The following NLGN4Y variants were observed in gnomAD, a reference collection of about 807,000 sequenced individuals.
NLGN4Y encodes the protein neuroligin-4, Y-linked.
A neutral mutation model predicts 8.4 loss-of-function variants in NLGN4Y; 4 were observed. The observed-to-expected ratio is 0.48, with a 90% confidence interval of 0.23 to 1.09. The LOEUF is 1.09. NLGN4Y is among the 50% of genes least tolerant of loss of function. The pLI, the probability that NLGN4Y is intolerant of heterozygous loss-of-function variation, is 0.19. For missense variants in NLGN4Y, 90 were observed against 192.3 expected (o/e 0.47, Z 3.15); for synonymous variants, 35 against 75.6 (o/e 0.46, Z 2.78).
intron 2 of NLGN4Y, among the ~76,000 whole-genome samples, chrY:14,699,849 G>A: frequency 3.1e-5 from 1 of 32,303 alleles, no homozygotes; most frequent in Non-Finnish European, 7.5e-5. Context: ...TTACATGTTG[G>A]CCCAAAGTGA....
intron 1 of NLGN4Y, among the ~76,000 whole-genome samples, chrY:14,565,372 A>C (rs1006153695): frequency 3.2e-5 from 1 of 31,248 alleles, no homozygotes; most frequent in East Asian, 8.8e-4. Flanking sequence ...TTCGTGAAGC[A>C]TACACAAATA....
At chrY:14,592,597 T>A (rs1351172264) in intron 1 of NLGN4Y, among the ~76,000 whole-genome samples, 1 of 32,261 alleles carries the variant, frequency 3.1e-5, no homozygotes, top group East Asian at 8.4e-4. Flanking sequence ...TCCTGCCATG[T>A]TAACTGCAAT....
chrY:14,733,422 T>C, intron 4 of NLGN4Y: 1 of 241,012 alleles, frequency 4.1e-6, no homozygotes, highest in Middle Eastern at 1.1e-3. Flanking sequence ...AAATTCATAA[T>C]TAATAAATGT....
chrY:14,763,249 A>G, intron 4 of NLGN4Y, among the ~76,000 whole-genome samples: 4 of 33,880 alleles, frequency 1.2e-4, no homozygotes, highest in South Asian at 6.5e-4. Flanking sequence ...TTGAAACTGG[A>G]TGGTTATTAA....
At chrY:14,532,257 G>A (rs2080117481) in intron 1 of NLGN4Y, among the ~76,000 whole-genome samples, 1 of 32,375 alleles carries the variant, frequency 3.1e-5, no homozygotes, top group African/African-American at 1.2e-4. Flanking sequence ...AGTGTGTTCG[G>A]GGTGGGAGGT....
chrY:14,812,944 C>CCT, intron 4 of NLGN4Y, among the ~76,000 whole-genome samples: 1 of 28,273 alleles, frequency 3.5e-5, no homozygotes, highest in South Asian at 8.6e-4. Context: ...CCTTCCTTCC[C>CCT]TCCTTCCTTC....
chrY:14,726,495 A>G (rs2150557132), intron 4 of NLGN4Y, among the ~76,000 whole-genome samples: 1 of 33,377 alleles, frequency 3.0e-5, no homozygotes, highest in East Asian at 7.9e-4. Context: ...TATTGGGGAT[A>G]ATAGTTCTGG....
At chrY:14,596,811 C>T (rs2150495288) in intron 1 of NLGN4Y, among the ~76,000 whole-genome samples, 1 of 33,362 alleles carries the variant, frequency 3.0e-5, no homozygotes, top group Non-Finnish European at 7.4e-5. Flanking sequence ...CGAAAGGGGT[C>T]CAATGGTACT....
At chrY:14,757,294 C>A in intron 4 of NLGN4Y, among the ~76,000 whole-genome samples, 1 of 32,507 alleles carries the variant, frequency 3.1e-5, no homozygotes, top group Non-Finnish European at 7.5e-5. Context: ...TGTGTCCAAT[C>A]CTTAAATTTG....
At chrY:14,533,322 C>T (rs527584344) in intron 1 of NLGN4Y, among the ~76,000 whole-genome samples, 2,801 of 32,805 alleles carry the variant, frequency 0.085, no homozygotes, top group East Asian at 0.057. Flanking sequence ...AATCAATAAG[C>T]AACAGTCAGA....
chrY:14,565,683 C>A, intron 1 of NLGN4Y, among the ~76,000 whole-genome samples: 1 of 32,790 alleles, frequency 3.0e-5, no homozygotes, highest in Non-Finnish European at 7.4e-5. Context: ...CACAAAGATA[C>A]TCCTTGAGAA....
chrY:14,834,325 G>C, intron 6 of NLGN4Y, among the ~76,000 whole-genome samples: 6 of 33,373 alleles, frequency 1.8e-4, no homozygotes, highest in Non-Finnish European at 3.7e-4. Flanking sequence ...GAAGAGAGGA[G>C]GAAGGAAAAA....
intron 4 of NLGN4Y, among the ~76,000 whole-genome samples, chrY:14,814,671 A>G: frequency 3.1e-5 from 1 of 32,311 alleles, no homozygotes; most frequent in Middle Eastern, 0.014. Flanking sequence ...TAAAAACAAC[A>G]CTCTTCCCCT....
chrY:14,594,924 G>A (rs781714088), intron 1 of NLGN4Y, among the ~76,000 whole-genome samples: 1 of 33,157 alleles, frequency 3.0e-5, no homozygotes, highest in African/African-American at 1.2e-4. Context: ...TGACCAGTAG[G>A]GAATTTGTCC....
chrY:14,840,135 T>C (rs2043209321), intron 6 of NLGN4Y, among the ~76,000 whole-genome samples: 1 of 33,668 alleles, frequency 3.0e-5, no homozygotes, highest in African/African-American at 1.2e-4. Context: ...GATCATTTGA[T>C]GCATTAAAAA....
intron 1 of NLGN4Y, among the ~76,000 whole-genome samples, chrY:14,589,881 G>A: frequency 2.9e-5 from 1 of 34,563 alleles, no homozygotes; most frequent in Non-Finnish European, 7.3e-5. Context: ...CCCATGGAGT[G>A]GGTGGGAGGC....
intron 2 of NLGN4Y, among the ~76,000 whole-genome samples, chrY:14,651,789 G>A (rs2080630987): frequency 3.0e-5 from 1 of 33,132 alleles, no homozygotes. Flanking sequence ...TAAATACAAT[G>A]TCAAGGAGAG....
intron 2 of NLGN4Y, among the ~76,000 whole-genome samples, chrY:14,667,619 C>G: frequency 3.0e-5 from 1 of 33,656 alleles, no homozygotes; most frequent in East Asian, 7.9e-4. Context: ...TTCCCGGTGT[C>G]TCAAGGCCTC....
chrY:14,695,543 G>A (rs2080824868), intron 2 of NLGN4Y, among the ~76,000 whole-genome samples: 1 of 32,666 alleles, frequency 3.1e-5, no homozygotes. Flanking sequence ...TGTCTGGCAC[G>A]CCTTCAAGTC....
Sources: allele counts gnomAD v4.1 joint callset (sites outside exome capture counted in the v4.1 genomes callset), GRCh38; gene constraint gnomAD v4.1.1; transcripts MANE v1.5; gene names NCBI Gene and HGNC (gene_info 2026-07-23, HGNC 2026-07-21).